Variants in SV2C observed in about 807,000 individuals in gnomAD.
The protein encoded by SV2C is synaptic vesicle glycoprotein 2C.
In SV2C, 49 loss-of-function variants were observed where a neutral mutation model predicts 79.7. The observed-to-expected ratio is 0.61, with a 90% confidence interval of 0.49 to 0.78. The LOEUF is 0.78. Ranked by LOEUF, SV2C falls within the 30% of genes least tolerant of loss-of-function variation. The probability of loss-of-function intolerance (pLI) is 0.00; values close to 1 mark genes in which losing one functional copy is unlikely to be tolerated. For synonymous variants in SV2C, 334 were observed against 333.2 expected (o/e 1.00, Z -0.03); for missense variants, 833 against 912.9 (o/e 0.91, Z 1.13).
chr5:76,202,015 C>CAAAAAAA (rs373279209), intron 3 of SV2C, among the ~76,000 whole-genome samples: 10 of 82,118 alleles, frequency 1.2e-4, no homozygotes, highest in Admixed American at 7.0e-4. Context: ...GACTCCATCT[C>CAAAAAAA]AAAAAAAAAA....
In SV2C at chr5:76,285,846, G is replaced by A. The variant is rs771730877; in HGVS notation, c.1113G>A (p.Arg371=). The A allele has an allele frequency of 6.2e-7, 1 of 1,614,078 alleles. No individual in the cohort carries two copies. ...KLIHDTNMRA[R]GQPEKVFTVN... The stretch of plus-strand genomic sequence containing the variant: ...TTCATGACACCAACATGAGAGCCCG[G>A]GGTCAGCCTGAGAAGGTCTTCACGG... The change falls in exon 6 of 13, where the codon CGG becomes CGA. Residue 371 remains arginine (R), a synonymous_variant. Transcript: ENST00000502798.
In SV2C at chr5:76,250,632, A is replaced by G. The variant is rs138421405; in HGVS notation, c.914-34530A>G. Among the ~76,000 whole-genome samples, 6 of 152,348 alleles carry G rather than the reference A, an allele frequency of 3.9e-5. No individual in the cohort carries two copies. In the South Asian group the frequency reaches 1.2e-3, roughly 32 times the overall value. ...GGTTCACCCCTGCCCCACTGACAGC[A>G]GCCTATCTGCACTTGATTGAGGTTG... On this transcript the variant is annotated intron_variant, in intron 4 of 12. Transcript: ENST00000502798.
intron 4 of SV2C, among the ~76,000 whole-genome samples, chr5:76,262,808 A>G: frequency 7.0e-6 from 1 of 142,708 alleles, no homozygotes; most frequent in South Asian, 2.1e-4. Flanking sequence ...GACTGTTGTG[A>G]TTTCCGTTCT....
the SV2C span, among the ~76,000 whole-genome samples, chr5:75,937,790 C>T: frequency 6.6e-6 from 1 of 152,102 alleles, no homozygotes; most frequent in African/African-American, 2.4e-5. Context: ...GTCTTCCAGT[C>T]AGTGGTAGCA....
At chr5:76,209,652 T>C in intron 3 of SV2C, 84 bp from the exon 4 acceptor site, 1 of 1,360,364 alleles carries the variant, frequency 7.4e-7, no homozygotes, top group Non-Finnish European at 1.0e-6. Flanking sequence ...CATGTGTTGT[T>C]AGAGTTTGCT....
Position 76,301,607 on chromosome 5 carries a change from A to C in SV2C, c.2000+62A>C, listed in dbSNP as rs975939728. 4 of 1,555,570 alleles carry C rather than the reference A, an allele frequency of 2.6e-6. No individual in the cohort carries two copies. The African/African-American group carries it at 4.1e-5, about 16-fold the overall frequency. On this transcript the variant is annotated intron_variant, in intron 12 of 12. Transcript: ENST00000502798. ...AGCCCTGTGAGACCACTGAAAAATT[A>C]TTTTAAAACAACCCAAACTGGCTGG...
the SV2C span, among the ~76,000 whole-genome samples, chr5:75,919,667 C>A: frequency 6.6e-6 from 1 of 152,164 alleles, no homozygotes; most frequent in East Asian, 1.9e-4. Flanking sequence ...TACCTTAAAC[C>A]AGACTTTGAA....
chr5:75,964,394 T>A, the SV2C span, among the ~76,000 whole-genome samples: 878 of 152,254 alleles, frequency 5.8e-3, 11 homozygotes, highest in African/African-American at 0.02. Context: ...TTACTTTATT[T>A]GAAATAAAGA....
the SV2C span, among the ~76,000 whole-genome samples, chr5:75,954,802 A>C: frequency 6.9e-6 from 1 of 145,070 alleles, no homozygotes; most frequent in Admixed American, 6.7e-5. Flanking sequence ...CAATTGCTTC[A>C]AAGAGAATAA....
Position 76,254,010 on chromosome 5 carries a change from G to A in SV2C, c.914-31152G>A, listed in dbSNP as rs568806117. Among the ~76,000 whole-genome samples, 197 of 152,176 alleles carry A rather than the reference G, an allele frequency of 1.3e-3. 1 individual carries two copies. The highest frequency in any genetic ancestry group is 0.01 in the Middle Eastern group (3 of 294). On this transcript the variant is annotated intron_variant, in intron 4 of 12. Transcript: ENST00000502798. ...AAATGTAATGCATTGTCTGGGTGCA[G>A]GAGCTCACACCTGTAATCCAAGCAC...
At chr5:75,852,859 AC>A in the SV2C span, among the ~76,000 whole-genome samples, 26 of 151,026 alleles carry the variant, frequency 1.7e-4, no homozygotes, top group Middle Eastern at 3.2e-3. Context: ...AAGAAAAAAA[AC>A]TGCCTAAGGC....
At chr5:76,000,023 C>T in the SV2C span, among the ~76,000 whole-genome samples, 1 of 151,726 alleles carries the variant, frequency 6.6e-6, no homozygotes, top group Non-Finnish European at 1.5e-5. Flanking sequence ...CATAAATTTG[C>T]GAGGGGACAC....
At chr5:75,915,358 C>G in the SV2C span, among the ~76,000 whole-genome samples, 1 of 152,162 alleles carries the variant, frequency 6.6e-6, no homozygotes, top group Non-Finnish European at 1.5e-5. Context: ...GCAAAGGGAC[C>G]TGATATGCAG....
Position 76,131,765 on chromosome 5 carries a change from C to A in SV2C, c.15C>A (p.Tyr5Ter). MEDS[Y>*]KDRTSLMKGA... is the part of the protein sequence containing the mutation. ...GTTGAGATAAGATGGAAGACTCTTA[C>A]AAGGATAGGACTTCACTGATGAAGG... is the stretch of plus-strand genomic sequence containing the variant. Residue 5 changes from tyrosine to a stop codon, truncating the protein, a stop_gained, in exon 2 of 13, where the codon TAC becomes TAA. Coordinates refer to ENST00000502798, the MANE Select transcript of SV2C (RefSeq NM_014979.4). LOFTEE classifies it high-confidence loss of function. The A allele has an allele frequency of 6.2e-7, 1 of 1,606,304 alleles. No homozygotes were observed. The highest frequency in any genetic ancestry group is 8.5e-7 in the Non-Finnish European group (1 of 1,175,722).
chr5:76,030,739 G>T, the SV2C span, among the ~76,000 whole-genome samples: 2 of 151,284 alleles, frequency 1.3e-5, no homozygotes, highest in Non-Finnish European at 2.9e-5. Flanking sequence ...TCCAGCCTGG[G>T]CAACAGAGTG....
intron 4 of SV2C, chr5:76,281,209 G>A: frequency 1.9e-6 from 1 of 531,486 alleles, no homozygotes; most frequent in Non-Finnish European, 3.8e-6. Context: ...AAACAGAAAA[G>A]ACAACAACAG....
At chr5:76,004,785 A>C in the SV2C span, among the ~76,000 whole-genome samples, 2 of 152,186 alleles carry the variant, frequency 1.3e-5, no homozygotes, top group African/African-American at 4.8e-5. Flanking sequence ...ATTAGGAAAC[A>C]AGTTTAGAAA....
the SV2C span, among the ~76,000 whole-genome samples, chr5:75,861,627 G>GAATACC: frequency 0.12 from 18,390 of 152,046 alleles, 2,856 homozygotes; most frequent in African/African-American, 0.37. Context: ...ACACACCATG[G>GAATACC]ACACAGCCAT....
At chr5:75,927,365 G>A in the SV2C span, among the ~76,000 whole-genome samples, 1 of 151,920 alleles carries the variant, frequency 6.6e-6, no homozygotes, top group African/African-American at 2.4e-5. Context: ...TGAACCTAGA[G>A]GACATTATGC....
Sources: gnomAD v4.1 joint callset for allele counts (sites outside exome capture counted in the v4.1 genomes callset) on GRCh38, gnomAD v4.1.1 for gene constraint, MANE v1.5 for transcripts, NCBI Gene and HGNC (gene_info 2026-07-23, HGNC 2026-07-21) for gene names.